The following TRPV2 variants were observed in gnomAD, a reference collection of about 807,000 sequenced individuals.
TRPV2 encodes the protein OTRPC2.
Under a neutral mutation model 91.0 loss-of-function variants are expected in TRPV2, and 58 were observed. The observed-to-expected ratio is 0.64, with a 90% confidence interval of 0.52 to 0.79. TRPV2 has a LOEUF of 0.79. Ranked by LOEUF, TRPV2 falls within the 30% of genes least tolerant of loss-of-function variation. TRPV2 has a pLI of 0.00. For missense variants in TRPV2, 807 were observed against 969.6 expected, an observed-to-expected ratio of 0.83 and a Z score of 2.23; for synonymous variants, 417 against 414.8, an observed-to-expected ratio of 1.01 and a Z score of -0.06.
At position 16,435,495 on chromosome 17, in the gene TRPV2, C is replaced by T. The variant is rs1490162043; in HGVS notation, c.2194+526C>T. Among the ~76,000 whole-genome samples, 2 of 152,166 alleles carry T rather than the reference C, an allele frequency of 1.3e-5. No individual in the cohort carries two copies. The highest frequency in any genetic ancestry group is 2.9e-5 in the Non-Finnish European group (2 of 68,026). On this transcript the variant is annotated intron_variant, in intron 14 of 14. Coordinates refer to ENST00000338560, the MANE Select transcript of TRPV2 (RefSeq NM_016113.5). This position sits in a 1 kb window ranked among gnomAD's most constrained non-coding sequence, Gnocchi z 4.2. ...CCCATGCTTCCTCCATGTCCGTGGC[C>T]TGTGTCCTCTCCGTTCCAGTGTAGT...
intron 10 of TRPV2, among the ~76,000 whole-genome samples, chr17:16,431,286 T>C (rs1272813249): frequency 1.4e-4 from 7 of 48,700 alleles, no homozygotes; most frequent in Middle Eastern, 0.017. Context: ...TATATATATA[T>C]ACATATTTTT....
chr17:16,424,161 G>GT (rs71152804), intron 5 of TRPV2, among the ~76,000 whole-genome samples: 18,839 of 133,502 alleles, frequency 0.14, 1,347 homozygotes, highest in Middle Eastern at 0.2. Context: ...AGCTAATTTT[G>GT]TTTTTTTTTT....
chr17:16,426,845 G>A lies in TRPV2; in HGVS notation c.1219G>A (p.Ala407Thr), dbSNP rs777332523. Residue 407 changes from alanine (A) to threonine (T), a missense_variant, in exon 7 of 15, where the codon GCT (alanine) becomes ACT (threonine). By Grantham distance (58) the Ala-to-Thr change is moderately conservative. Transcript: ENST00000338560. This position sits in a 1 kb window ranked among gnomAD's most constrained non-coding sequence, Gnocchi z 6.0. ...CNLIYMFIFT[A>T]VAYHQPTLKK... ...TCTGATCTACATGTTCATCTTCACC[G>A]CTGTTGCCTACCATCAGCCTACCCT... is the stretch of plus-strand genomic sequence containing the variant. 20 of 1,613,426 alleles carry A rather than the reference G, an allele frequency of 1.2e-5. No homozygotes were observed. The Admixed American group carries it at 1.5e-4, about 12-fold the overall frequency.
intron 3 of TRPV2, among the ~76,000 whole-genome samples, chr17:16,421,123 C>T (rs922971818): frequency 1.3e-5 from 2 of 152,118 alleles, no homozygotes; most frequent in African/African-American, 2.4e-5. Context: ...CCTTACTTAT[C>T]GATGGCCATT....
intron 2 of TRPV2, among the ~76,000 whole-genome samples, chr17:16,419,891 G>A (rs923162499): frequency 6.6e-6 from 1 of 152,220 alleles, no homozygotes; most frequent in Non-Finnish European, 1.5e-5. Flanking sequence ...GCGTCATGGG[G>A]ATGAAGCAGC....
At position 16,436,865 on chromosome 17, in the gene TRPV2, C is replaced by T. The variant is rs377409002; in HGVS notation, c.2271C>T (p.Pro757=). ...GTGCCTCTGAGGAAAACTATGTGCC[C>T]GTCCAGCTCCTCCAGTCCAACTGAT... ...EDGASEENYV[P]VQLLQSN Residue 757 remains proline (P), a synonymous_variant, in exon 15 of 15, where the codon CCC becomes CCT. Coordinates refer to ENST00000338560, the MANE Select transcript of TRPV2 (RefSeq NM_016113.5). The T allele has an allele frequency of 9.4e-5, 152 of 1,614,104 alleles. No homozygotes were observed. Among genetic ancestry groups the T allele is most frequent in the Non-Finnish European group, 1.2e-4 (137 of 1,179,958 alleles).
rs756094952 is a variant in TRPV2, at chr17:16,428,854, CTG to C, written c.1463_1464del (p.Cys488PhefsTer167). ...QALLTVVSQV[L>X]CFLAIEWYLP... ...CCTGCTCACAGTGGTGTCCCAGGTGCTGTGTTTCCTGGCCATCGAGTGGTACC... is the reference window on the plus strand; with the variant it reads ...CCTGCTCACAGTGGTGTCCCAGGTGCTGTTTCCTGGCCATCGAGTGGTACC... On this transcript the variant is annotated frameshift_variant, in exon 10 of 15. Transcript: ENST00000338560. LOFTEE classifies it high-confidence loss of function. The C allele has an allele frequency of 1.2e-6, 2 of 1,613,804 alleles. No homozygotes were observed. The highest frequency in any genetic ancestry group is 1.7e-5 in the Admixed American group (1 of 60,000).
At position 16,426,025 on chromosome 17, in the gene TRPV2, G is replaced by A. The variant is rs1315731957; in HGVS notation, c.925-74G>A. ...ACCGTGGGCAGCTGCTGAGTCCTGG[G>A]TGTTTCCCAGCCTTGGCCCAGGATC... is the stretch of plus-strand genomic sequence containing the variant. On this transcript the variant is annotated intron_variant, in intron 5 of 14. Coordinates refer to ENST00000338560, the MANE Select transcript of TRPV2 (RefSeq NM_016113.5). The surrounding 1 kb of genome is among the most constrained non-coding windows in gnomAD (Gnocchi z 6.0). The A allele has an allele frequency of 1.3e-6, 2 of 1,563,144 alleles. No individual in the cohort carries two copies. The highest frequency in any genetic ancestry group is 1.4e-5 in the African/African-American group (1 of 74,042).
intron 9 of TRPV2, 73 bp downstream of exon 9, chr17:16,428,460 C>T (rs968378359): frequency 6.5e-7 from 1 of 1,528,022 alleles, no homozygotes; most frequent in Non-Finnish European, 9.1e-7. Flanking sequence ...GCAGAAGGCA[C>T]CAGGTTGGCT....
At chr17:16,428,012 G>A (rs904980405) in intron 8 of TRPV2, among the ~76,000 whole-genome samples, 1 of 152,160 alleles carries the variant, frequency 6.6e-6, no homozygotes, top group South Asian at 2.1e-4. Flanking sequence ...GGCACCAAAC[G>A]CAGGTTGGCT....
At position 16,436,781 on chromosome 17, in the gene TRPV2, G is replaced by A. The variant is rs112770598; in HGVS notation, c.2195-8G>A. The A allele has an allele frequency of 1.8e-4, 292 of 1,609,872 alleles. 1 individual carries two copies. The African/African-American group carries it at 2.0e-3, about 11-fold the overall frequency. On this transcript the variant is annotated splice_region_variant and splice_polypyrimidine_tract_variant and intron_variant, in intron 14 of 14. Coordinates refer to ENST00000338560, the MANE Select transcript of TRPV2 (RefSeq NM_016113.5). Reference sequence around the variant, plus strand: ...GGTTAAGCTACAGTGCTTGCCATCTGTTTACAGGAACTCTCGAGAACCCTG... The same window carrying A: ...GGTTAAGCTACAGTGCTTGCCATCTATTTACAGGAACTCTCGAGAACCCTG...
rs536658820 is a variant in TRPV2 at position 16,424,077 on chromosome 17, C to T, written c.924+310C>T. Among the ~76,000 whole-genome samples, 489 of 152,118 alleles carry T rather than the reference C, an allele frequency of 3.2e-3. 2 individuals are homozygous for T. The highest frequency in any genetic ancestry group is 0.011 in the African/African-American group (451 of 41,504). On this transcript the variant is annotated intron_variant, in intron 5 of 14. Transcript: ENST00000338560. ...CGACCTCGGCTCACCGCAACCTCTG[C>T]TTCCCAGGTTCAAGCGATTCTCCTG...
At position 16,428,891 on chromosome 17, in the gene TRPV2, TTG is replaced by T; in HGVS notation, c.1500_1501del (p.Ser501CysfsTer154). The T allele has an allele frequency of 1.9e-6, 3 of 1,614,170 alleles. No homozygotes were observed. The highest frequency in any genetic ancestry group is 2.5e-6 in the Non-Finnish European group (3 of 1,180,030). Reference sequence around the variant, plus strand: ...GCCATCGAGTGGTACCTGCCCCTGCTTGTGTCTGCGCTGGTGCTGGGCTGGCT... The same window carrying T: ...GCCATCGAGTGGTACCTGCCCCTGCTTGTCTGCGCTGGTGCTGGGCTGGCT... On this transcript the variant is annotated frameshift_variant, in exon 10 of 15. Transcript: ENST00000338560. LOFTEE classifies it high-confidence loss of function.
chr17:16,434,044 G>A (rs2093424743), intron 13 of TRPV2, among the ~76,000 whole-genome samples: 1 of 152,116 alleles, frequency 6.6e-6, no homozygotes, highest in South Asian at 2.1e-4. Context: ...GCTGCTCTGT[G>A]TCCCCCCACC....
chr17:16,426,573 C>T lies in TRPV2; in HGVS notation c.1096-149C>T, dbSNP rs1012095825. The T allele has an allele frequency of 1.2e-5, 11 of 933,192 alleles. No homozygotes were observed. The highest frequency in any genetic ancestry group is 5.0e-5 in the African/African-American group (3 of 60,000). The allele number at this position is 933,192 out of a possible 1,614,324, so 57.8% of individuals were successfully genotyped here. A position where few individuals can be genotyped will look rare whatever the true frequency, so the allele number is the denominator to read the frequency against. On this transcript the variant is annotated intron_variant, in intron 6 of 14. Transcript: ENST00000338560. This position sits in a 1 kb window ranked among gnomAD's most constrained non-coding sequence, Gnocchi z 6.0. ...GTCACACTGTAGCTGGGAGGGTTGG[C>T]GTGAGGTCCTTTGGGGCTCCTGGGG...
intron 7 of TRPV2, 120 bp from the exon 8 acceptor site, chr17:16,427,329 G>A: frequency 1.1e-6 from 1 of 873,966 alleles, no homozygotes; most frequent in Non-Finnish European, 1.8e-6. Flanking sequence ...ATGTTCCCAT[G>A]CCGTTCTGAG....
At position 16,417,610 on chromosome 17, in the gene TRPV2, C is replaced by T; in HGVS notation, c.-59C>T. 1 of 1,579,376 alleles carries T rather than the reference C, an allele frequency of 6.3e-7. No homozygotes were observed. Among genetic ancestry groups the T allele is most frequent in the Non-Finnish European group, 8.7e-7 (1 of 1,151,066 alleles). On this transcript the variant is annotated 5_prime_UTR_variant, in exon 2 of 15. Coordinates refer to ENST00000338560, the MANE Select transcript of TRPV2 (RefSeq NM_016113.5). ...GCGCAGCTGGGAGGAAGACAGGACC[C>T]TTGACATCTCCATCTGCACAGAGGT...
intron 10 of TRPV2, among the ~76,000 whole-genome samples, chr17:16,431,487 C>T (rs1295547476): frequency 2.6e-5 from 4 of 151,326 alleles, no homozygotes; most frequent in African/African-American, 9.7e-5. Flanking sequence ...TTAGTAGAAA[C>T]GCGGTTTCAC....
At position 16,426,394 on chromosome 17, in the gene TRPV2, T is replaced by C; in HGVS notation, c.1095+125T>C. Reference sequence around the variant, plus strand: ...CTGTGCCAGTGGGGGTGTGGCTGCATGTCCCAGCAGGCACGACCCTGACCA... The same window carrying C: ...CTGTGCCAGTGGGGGTGTGGCTGCACGTCCCAGCAGGCACGACCCTGACCA... On this transcript the variant is annotated intron_variant, in intron 6 of 14. Transcript: ENST00000338560. This position sits in a 1 kb window ranked among gnomAD's most constrained non-coding sequence, Gnocchi z 6.0. The C allele has an allele frequency of 1.6e-6, 2 of 1,241,370 alleles. No individual in the cohort carries two copies. Among genetic ancestry groups the C allele is most frequent in the Non-Finnish European group, 2.2e-6 (2 of 898,366 alleles). The allele number at this position is 1,241,370 out of a possible 1,614,324, so 76.9% of individuals were successfully genotyped here.
Sources: allele counts gnomAD v4.1 joint callset (sites outside exome capture counted in the v4.1 genomes callset), GRCh38; gene constraint gnomAD v4.1.1; non-coding constraint Gnocchi (gnomAD v3.1); transcripts MANE v1.5; gene names NCBI Gene and HGNC (gene_info 2026-07-23, HGNC 2026-07-21).